Variants in VTI1A observed in about 807,000 individuals in gnomAD.
The protein encoded by VTI1A is vesicle transport through interaction with t-SNAREs 1A.
Under a neutral mutation model 34.9 loss-of-function variants are expected in VTI1A, and 22 were observed. That is an observed-to-expected ratio of 0.63 (90% CI 0.45 to 0.90). The LOEUF (loss-of-function observed/expected upper bound fraction) is 0.90, where lower values mean the gene tolerates loss of function less well. VTI1A is among the 40% of genes least tolerant of loss of function. The pLI, the probability that VTI1A is intolerant of heterozygous loss-of-function variation, is 0.00. For synonymous variants in VTI1A, 87 were observed against 97.3 expected (o/e 0.89, Z 0.62); for missense variants, 268 against 275.6 (o/e 0.97, Z 0.20).
At chr10:112,530,970 A>G (rs539953731) in intron 4 of VTI1A, among the ~76,000 whole-genome samples, 2 of 152,088 alleles carry the variant, frequency 1.3e-5, no homozygotes, top group South Asian at 4.2e-4. Flanking sequence ...AATAGAGTTC[A>G]GCATTTATTC....
At chr10:112,759,464 C>T (rs908912037) in intron 7 of VTI1A, among the ~76,000 whole-genome samples, 1 of 152,182 alleles carries the variant, frequency 6.6e-6, no homozygotes, top group East Asian at 1.9e-4. Context: ...CTTATTTCCC[C>T]GAGCGTATAG....
chr10:112,854,758 A>C, the VTI1A span, among the ~76,000 whole-genome samples: 1 of 152,200 alleles, frequency 6.6e-6, no homozygotes, highest in African/African-American at 2.4e-5. Context: ...ACCAGTATGT[A>C]GGGAGAGCAA....
intron 7 of VTI1A, among the ~76,000 whole-genome samples, chr10:112,813,314 TG>T (rs1333230400): frequency 1.3e-5 from 2 of 152,260 alleles, no homozygotes; most frequent in African/African-American, 4.8e-5. Context: ...GCATCATGGA[TG>T]CCTTGGGGCC....
chr10:112,495,915 C>T (rs1849000850), intron 3 of VTI1A, among the ~76,000 whole-genome samples: 2 of 152,112 alleles, frequency 1.3e-5, no homozygotes, highest in African/African-American at 4.8e-5. Context: ...AAAAAGAGGG[C>T]ATTTTAACCA....
the VTI1A span, among the ~76,000 whole-genome samples, chr10:112,835,653 TA>T: frequency 6.6e-6 from 1 of 152,194 alleles, no homozygotes; most frequent in African/African-American, 2.4e-5. Context: ...GTTTCTTTGT[TA>T]TTATCTGAGT....
At chr10:112,490,931 T>C (rs1293652464) in intron 3 of VTI1A, among the ~76,000 whole-genome samples, 1 of 152,150 alleles carries the variant, frequency 6.6e-6, no homozygotes, top group Admixed American at 6.5e-5. Flanking sequence ...ATTATTTTCA[T>C]TGTGTTTCAA....
intron 7 of VTI1A, among the ~76,000 whole-genome samples, chr10:112,762,094 A>G (rs1458586571): frequency 2.0e-5 from 3 of 152,158 alleles, no homozygotes; most frequent in Non-Finnish European, 4.4e-5. Flanking sequence ...ATAAAAATGG[A>G]TGGGAAAGCT....
At position 112,798,259 on chromosome 10, in the gene VTI1A, C is replaced by T. The variant is rs537776823; in HGVS notation, c.561-17031C>T. On this transcript the variant is annotated intron_variant, in intron 7 of 7. Transcript: ENST00000393077. ...GAGGTGGACCCCAGTTCACTAGGCT[C>T]CTCAGCCAACACTGTCTCTCAGTTG... is the stretch of plus-strand genomic sequence containing the variant. 1.2e-4 allele frequency among the ~76,000 whole-genome samples: 19 copies of T among 152,332 alleles called. No homozygotes were observed. In the South Asian group the frequency reaches 3.5e-3, roughly 28 times the overall value.
intron 5 of VTI1A, among the ~76,000 whole-genome samples, chr10:112,564,219 T>C (rs1359319269): frequency 6.6e-6 from 1 of 152,070 alleles, no homozygotes; most frequent in East Asian, 1.9e-4. Context: ...AATTAAATCA[T>C]TTGGCAGTGA....
At chr10:112,627,197 A>T (rs561607989) in intron 5 of VTI1A, among the ~76,000 whole-genome samples, 3 of 152,324 alleles carry the variant, frequency 2.0e-5, no homozygotes, top group African/African-American at 7.2e-5. Context: ...CTCTGGGGAT[A>T]GACCTTGGGA....
At chr10:112,793,769 C>T (rs1852574541) in intron 7 of VTI1A, among the ~76,000 whole-genome samples, 1 of 152,204 alleles carries the variant, frequency 6.6e-6, no homozygotes, top group Non-Finnish European at 1.5e-5. Context: ...GGAGGCACGG[C>T]TCTGCTTCTA....
In VTI1A at chr10:112,791,025, C is replaced by T. The variant is rs145022480; in HGVS notation, c.561-24265C>T. 1.7e-4 allele frequency among the ~76,000 whole-genome samples: 26 copies of T among 152,308 alleles called. 1 individual carries two copies. The highest frequency in any genetic ancestry group is 6.0e-4 in the African/African-American group (25 of 41,568). On this transcript the variant is annotated intron_variant, in intron 7 of 7. Coordinates refer to ENST00000393077, the MANE Select transcript of VTI1A (RefSeq NM_145206.4). ...TCCAATATGGCAATGACCAGCTCTG[C>T]ATGCTCTTGTTTCATTCCTTCCACC...
the VTI1A span, among the ~76,000 whole-genome samples, chr10:112,852,862 T>G: frequency 6.6e-6 from 1 of 152,146 alleles, no homozygotes; most frequent in African/African-American, 2.4e-5. Flanking sequence ...CACTGCAACC[T>G]CCACCTCCCA....
intron 3 of VTI1A, among the ~76,000 whole-genome samples, chr10:112,517,635 C>T (rs1183266900): frequency 6.6e-6 from 1 of 152,006 alleles, no homozygotes; most frequent in African/African-American, 2.4e-5. Context: ...TCATGCTGAT[C>T]GTATGTAGCT....
chr10:112,740,187 A>G (rs1850642954), intron 7 of VTI1A, among the ~76,000 whole-genome samples: 1 of 152,178 alleles, frequency 6.6e-6, no homozygotes, highest in Admixed American at 6.5e-5. Flanking sequence ...ACTCTCTTCC[A>G]TTCTTTGTAC....
chr10:112,458,431 A>G (rs963273362), intron 1 of VTI1A, among the ~76,000 whole-genome samples: 1 of 152,172 alleles, frequency 6.6e-6, no homozygotes, highest in Non-Finnish European at 1.5e-5. Context: ...TAATCTGGCC[A>G]TATGTAGATT....
downstream of VTI1A, among the ~76,000 whole-genome samples, chr10:112,822,829 C>T (rs1443322185): frequency 6.6e-6 from 1 of 152,196 alleles, no homozygotes. Flanking sequence ...CAGATTTATT[C>T]ATTCATTCAT....
chr10:112,690,760 T>C (rs1338311432), intron 7 of VTI1A, among the ~76,000 whole-genome samples: 1 of 152,226 alleles, frequency 6.6e-6, no homozygotes, highest in Non-Finnish European at 1.5e-5. Context: ...GAAGCATCCA[T>C]CACAGGACTG....
chr10:112,622,545 A>C (rs1258448288), intron 5 of VTI1A, among the ~76,000 whole-genome samples: 1 of 152,132 alleles, frequency 6.6e-6, no homozygotes, highest in African/African-American at 2.4e-5. Flanking sequence ...ATAATGGATT[A>C]AGGGAAAACC....
Sources: allele counts gnomAD v4.1 joint callset (sites outside exome capture counted in the v4.1 genomes callset), GRCh38; gene constraint gnomAD v4.1.1; transcripts MANE v1.5; gene names NCBI Gene and HGNC (gene_info 2026-07-23, HGNC 2026-07-21).